Variants in NRG1 observed in about 807,000 individuals in gnomAD.
NRG1 encodes the protein neuregulin 1.
In NRG1, 18 loss-of-function variants were observed where a neutral mutation model predicts 63.8. The observed-to-expected ratio is 0.28, with a 90% CI of 0.19 to 0.42. NRG1 has a LOEUF of 0.42. Among genes scored for constraint, NRG1 ranks in the 10% least tolerant of loss-of-function variants. The pLI is 1.00. For missense variants in NRG1, 762 were observed against 814.7 expected (o/e 0.94, Z 0.79); for synonymous variants, 302 against 301.3 (o/e 1.00, Z -0.02).
intron 1 of NRG1, among the ~76,000 whole-genome samples, chr8:31,720,462 C>T (rs1362376999): frequency 6.6e-6 from 1 of 152,142 alleles, no homozygotes; most frequent in African/African-American, 2.4e-5. Flanking sequence ...GCTATTCTTC[C>T]TGATGCTCTC....
At chr8:32,500,966 A>G (rs1280703735) in intron 1 of NRG1, among the ~76,000 whole-genome samples, 3 of 152,168 alleles carry the variant, frequency 2.0e-5, no homozygotes, top group South Asian at 4.1e-4. Flanking sequence ...TACTGTGTCC[A>G]GTGTTATAAT....
Position 31,906,910 on chromosome 8 carries a change from ATAAGT to A in NRG1, c.37+267482_37+267486del, listed in dbSNP as rs149632350. On this transcript the variant is annotated intron_variant, in intron 1 of 10. Transcript: ENST00000519301. ...CACAATCTCAGTCTATGAAAAAGAG[ATAAGT>A]TAGGATAAAACTACAGCAAAAAATG... 5.8e-4 allele frequency among the ~76,000 whole-genome samples: 88 copies of A among 152,324 alleles called. 1 individual carries two copies. The South Asian group carries it at 0.015, about 25-fold the overall frequency.
chr8:32,432,349 G>T (rs1483220913), intron 1 of NRG1, among the ~76,000 whole-genome samples: 1 of 152,050 alleles, frequency 6.6e-6, no homozygotes, highest in Non-Finnish European at 1.5e-5. Flanking sequence ...CTATAAAGTA[G>T]ACATTACTAA....
intron 1 of NRG1, among the ~76,000 whole-genome samples, chr8:31,665,658 C>T (rs1806454997): frequency 6.6e-6 from 1 of 152,196 alleles, no homozygotes; most frequent in African/African-American, 2.4e-5. Context: ...TTTACGTAGT[C>T]AACCTTTATG....
intron 1 of NRG1, among the ~76,000 whole-genome samples, chr8:32,504,466 GT>G (rs1322341024): frequency 2.0e-5 from 3 of 152,092 alleles, no homozygotes; most frequent in East Asian, 1.9e-4. Flanking sequence ...ACTTATAAGC[GT>G]TTTTTTAAGC....
At chr8:32,562,351 G>A (rs548252675) in intron 1 of NRG1, among the ~76,000 whole-genome samples, 1 of 152,194 alleles carries the variant, frequency 6.6e-6, no homozygotes, top group Non-Finnish European at 1.5e-5. Context: ...GGGCTCTAGT[G>A]ATCCTCCCAC....
chr8:32,085,304 C>A (rs1002791984), intron 1 of NRG1, among the ~76,000 whole-genome samples: 5 of 152,188 alleles, frequency 3.3e-5, no homozygotes, highest in African/African-American at 9.6e-5. Flanking sequence ...AACATTTCTG[C>A]CTTGTGCTAG....
At chr8:31,718,688 C>A (rs1812606769) in intron 1 of NRG1, among the ~76,000 whole-genome samples, 1 of 152,162 alleles carries the variant, frequency 6.6e-6, no homozygotes, top group African/African-American at 2.4e-5. Flanking sequence ...AGAAGCCTTT[C>A]TTGTTGAGGG....
chr8:31,852,834 C>A (rs977418750), intron 1 of NRG1, among the ~76,000 whole-genome samples: 1 of 152,144 alleles, frequency 6.6e-6, no homozygotes, highest in African/African-American at 2.4e-5. Context: ...ATATGGCTAG[C>A]CAGTTTTCCC....
chr8:31,822,645 G>A (rs1441493367), intron 1 of NRG1, among the ~76,000 whole-genome samples: 1 of 152,114 alleles, frequency 6.6e-6, no homozygotes, highest in Non-Finnish European at 1.5e-5. Flanking sequence ...GGCAGACCCT[G>A]GCTTGACAGA....
chr8:31,985,483 A>T (rs1809908808), intron 1 of NRG1, among the ~76,000 whole-genome samples: 1 of 152,128 alleles, frequency 6.6e-6, no homozygotes, highest in African/African-American at 2.4e-5. Flanking sequence ...AATTTAATGT[A>T]TGATGTTACC....
chr8:31,934,420 C>CTCTTTT (rs780496777), intron 1 of NRG1, among the ~76,000 whole-genome samples: 9 of 108,070 alleles, frequency 8.3e-5, no homozygotes, highest in Admixed American at 2.9e-4. Flanking sequence ...TATTCGCTCT[C>CTCTTTT]TTTTTTTTTT....
chr8:31,696,132 AT>A (rs2131159540), intron 1 of NRG1, among the ~76,000 whole-genome samples: 1 of 152,314 alleles, frequency 6.6e-6, no homozygotes, highest in South Asian at 2.1e-4. Context: ...CAGTGGTGCT[AT>A]CTTGGCTCAC....
intron 1 of NRG1, among the ~76,000 whole-genome samples, chr8:31,678,184 T>C (rs1370042724): frequency 2.0e-5 from 3 of 152,156 alleles, no homozygotes; most frequent in Non-Finnish European, 1.5e-5. Flanking sequence ...CATTTTCTAA[T>C]AGTGTTTTGT....
At chr8:32,468,747 A>T (rs1823398515) in intron 1 of NRG1, among the ~76,000 whole-genome samples, 1 of 150,436 alleles carries the variant, frequency 6.6e-6, no homozygotes. Context: ...TTCAGCAAGA[A>T]GTGTGTTCAT....
intron 1 of NRG1, among the ~76,000 whole-genome samples, chr8:32,397,910 G>A (rs1020231828): frequency 6.6e-6 from 1 of 152,122 alleles, no homozygotes; most frequent in African/African-American, 2.4e-5. Context: ...GGAAATAAAA[G>A]CATGAATTTG....
chr8:31,786,977 A>C (rs1431427811), intron 1 of NRG1, among the ~76,000 whole-genome samples: 1 of 152,034 alleles, frequency 6.6e-6, no homozygotes. Flanking sequence ...GTGAGGTTGA[A>C]AGTTCCAAAC....
intron 7 of NRG1, among the ~76,000 whole-genome samples, chr8:32,743,782 A>G (rs1826933795): frequency 6.6e-6 from 1 of 151,854 alleles, no homozygotes; most frequent in Admixed American, 6.6e-5. Flanking sequence ...AAAATATTGC[A>G]TTTAAAATGC....
intron 1 of NRG1, among the ~76,000 whole-genome samples, chr8:32,055,858 G>A (rs112442683): frequency 0.022 from 3,283 of 152,144 alleles, 92 homozygotes; most frequent in African/African-American, 0.062. Context: ...TATTCCCTCA[G>A]GATTGCAGGG....
Sources: gnomAD v4.1 joint callset for allele counts (sites outside exome capture counted in the v4.1 genomes callset) on GRCh38, gnomAD v4.1.1 for gene constraint, MANE v1.5 for transcripts, NCBI Gene and HGNC (gene_info 2026-07-23, HGNC 2026-07-21) for gene names.